TMEM114: variants seen among roughly 807,000 people sequenced by gnomAD.
TMEM114 encodes the protein transmembrane protein 114.
TMEM114 carries 6 observed loss-of-function variants against 6.2 expected under a neutral mutation model. That is an observed-to-expected ratio of 0.97 (90% confidence interval 0.53 to 1.91). TMEM114 has a LOEUF of 1.91. Among genes scored for constraint, TMEM114 ranks in the 40% most tolerant of loss-of-function variants. The pLI, the probability that TMEM114 is intolerant of heterozygous loss-of-function variation, is 0.01. For synonymous variants in TMEM114, 104 were observed against 73.0 expected (o/e 1.42, Z -2.16); for missense variants, 218 against 158.3 (o/e 1.38, Z -2.02).
intron 2 of TMEM114, among the ~76,000 whole-genome samples, chr16:8,539,707 G>T (rs78759396): frequency 0.096 from 14,511 of 151,642 alleles, 840 homozygotes; most frequent in Middle Eastern, 0.21. Flanking sequence ...TGTTCATATA[G>T]ATCTCATGTC....
At chr16:8,527,448 T>A in the TMEM114 span, among the ~76,000 whole-genome samples, 1 of 152,194 alleles carries the variant, frequency 6.6e-6, no homozygotes, top group African/African-American at 2.4e-5. Context: ...GTCTGTGAGA[T>A]GAGCATAAAA....
chr16:8,559,624 GCTCTGAGTA>G (rs1005605605), intron 2 of TMEM114, among the ~76,000 whole-genome samples: 3 of 152,202 alleles, frequency 2.0e-5, no homozygotes, highest in African/African-American at 7.2e-5. Flanking sequence ...TCTCTTGTGG[GCTCTGAGTA>G]CTCTGTTAAA....
chr16:8,565,350 A>G (rs1257748108), downstream of TMEM114, among the ~76,000 whole-genome samples: 1 of 152,168 alleles, frequency 6.6e-6, no homozygotes, highest in East Asian at 1.9e-4. Flanking sequence ...GTGGGTGGCA[A>G]GTGAATAAAT....
intron 2 of TMEM114, among the ~76,000 whole-genome samples, chr16:8,562,130 G>GAGTGAATGAGTTAGTT (rs1901249966): frequency 6.7e-6 from 1 of 149,838 alleles, no homozygotes; most frequent in African/African-American, 2.5e-5. Flanking sequence ...GTGAATGAGT[G>GAGTGAATGAGTTAGTT]AGTGAATGAG....
intron 3 of TMEM114, 145 bp from the exon 4 acceptor site, chr16:8,570,150 C>G: frequency 2.6e-6 from 3 of 1,136,984 alleles, no homozygotes; most frequent in Non-Finnish European, 3.7e-6. Context: ...GTGCTAGTCT[C>G]CCCGCTGGGT....
chr16:8,561,894 GAGTAAATGAGTGAA>G (rs1567201801), intron 2 of TMEM114, among the ~76,000 whole-genome samples: 20 of 150,792 alleles, frequency 1.3e-4, no homozygotes, highest in Non-Finnish European at 1.2e-4. Flanking sequence ...GTGAGTGAAT[GAGTAAATGAGTGAA>G]TGAATGAGTA....
intron 2 of TMEM114, among the ~76,000 whole-genome samples, chr16:8,556,655 T>A (rs1901018875): frequency 6.6e-6 from 1 of 151,958 alleles, no homozygotes; most frequent in Admixed American, 6.6e-5. Flanking sequence ...GTACCCGCCA[T>A]CACACATGGC....
intron 2 of TMEM114, among the ~76,000 whole-genome samples, chr16:8,546,469 C>T (rs76100302): frequency 0.025 from 3,881 of 152,238 alleles, 139 homozygotes; most frequent in East Asian, 0.15. Flanking sequence ...GCGACCAGCC[C>T]GGACATTATC....
intron 2 of TMEM114, among the ~76,000 whole-genome samples, chr16:8,557,091 C>G (rs761697659): frequency 6.6e-6 from 1 of 152,168 alleles, no homozygotes; most frequent in Non-Finnish European, 1.5e-5. Context: ...ACTTTCTAAA[C>G]GTGGCTCTAG....
At chr16:8,584,897 G>A (rs934317539) in intron 2 of TMEM114, among the ~76,000 whole-genome samples, 3 of 146,084 alleles carry the variant, frequency 2.1e-5, no homozygotes, top group Non-Finnish European at 3.0e-5. Flanking sequence ...ACTCCAGCCT[G>A]GGCTACAAGA....
intron 2 of TMEM114, among the ~76,000 whole-genome samples, chr16:8,564,219 T>TGAATGAGTGAGTG (rs1901426322): frequency 2.9e-4 from 22 of 76,388 alleles, no homozygotes; most frequent in African/African-American, 1.1e-3. Context: ...ATGAGTGAGT[T>TGAATGAGTGAGTG]AGTGAATGAG....
rs1044569689 is a variant in TMEM114 at position 8,569,517 on chromosome 16, T to A, written c.*256A>T. 9.4e-6 allele frequency: 13 copies of A among 1,386,582 alleles called. No individual in the cohort carries two copies. In the African/African-American group the frequency reaches 1.7e-4, roughly 19 times the overall value. 85.9% of individuals were successfully genotyped at this position (1,386,582 alleles called of 1,614,324 possible). A position where few individuals can be genotyped will look rare whatever the true frequency, so the allele number is the denominator to read the frequency against. On this transcript the variant is annotated 3_prime_UTR_variant, in exon 4 of 4. Transcript: ENST00000620492. ...GCTCTGTGTGTGATTAAAGGATCGT[T>A]TTTATTTCTCGCGAAGCGGTTTGGC...
chr16:8,532,469 G>C, the TMEM114 span, among the ~76,000 whole-genome samples: 2 of 152,168 alleles, frequency 1.3e-5, no homozygotes, highest in Admixed American at 1.3e-4. Context: ...CTGTCTGGGT[G>C]TGCTTGCCTC....
At chr16:8,566,588 A>G (rs1242755016), downstream of TMEM114, among the ~76,000 whole-genome samples, 2 of 152,184 alleles carry the variant, frequency 1.3e-5, no homozygotes, top group African/African-American at 4.8e-5. Flanking sequence ...ACAGCATCCC[A>G]ACCCCACTTA....
At chr16:8,558,588 A>G (rs1293544444) in intron 2 of TMEM114, among the ~76,000 whole-genome samples, 1 of 152,152 alleles carries the variant, frequency 6.6e-6, no homozygotes, top group Non-Finnish European at 1.5e-5. Flanking sequence ...TGAAGTTACA[A>G]TTTCAACATG....
At chr16:8,548,603 C>A (rs143972648) in intron 2 of TMEM114, among the ~76,000 whole-genome samples, 1 of 151,626 alleles carries the variant, frequency 6.6e-6, no homozygotes, top group African/African-American at 2.4e-5. Context: ...TTTTTCACCC[C>A]CTAAGAGCAA....
At chr16:8,563,582 TGAGTG>T (rs1901372671) in intron 2 of TMEM114, among the ~76,000 whole-genome samples, 1 of 146,870 alleles carries the variant, frequency 6.8e-6, no homozygotes, top group African/African-American at 2.5e-5. Context: ...AGGAAATGAG[TGAGTG>T]AATGAGTGTG....
At chr16:8,556,099 C>T (rs1462993351) in intron 2 of TMEM114, among the ~76,000 whole-genome samples, 1 of 152,182 alleles carries the variant, frequency 6.6e-6, no homozygotes, top group East Asian at 1.9e-4. Flanking sequence ...ATCTGAGAAC[C>T]CGGTCTCTTC....
intron 2 of TMEM114, among the ~76,000 whole-genome samples, chr16:8,580,453 C>T (rs1902099922): frequency 6.7e-6 from 1 of 150,306 alleles, no homozygotes; most frequent in Non-Finnish European, 1.5e-5. Context: ...CACCACTGCA[C>T]TCCATCCTGG....
Sources: gnomAD v4.1 joint callset for allele counts (sites outside exome capture counted in the v4.1 genomes callset) on GRCh38, gnomAD v4.1.1 for gene constraint, MANE v1.5 for transcripts, NCBI Gene and HGNC (gene_info 2026-07-23, HGNC 2026-07-21) for gene names.